Variants in TMEM272 observed in about 807,000 individuals in gnomAD.
TMEM272 encodes the protein transmembrane protein 272.
A neutral mutation model predicts 3.7 loss-of-function variants in TMEM272; 8 were observed. The observed-to-expected ratio is 2.17, with a 90% CI of 1.27 to 3.91. TMEM272 has a LOEUF of 3.91. TMEM272 is among the 30% of genes most tolerant of loss of function. The pLI is 0.00. For missense variants in TMEM272, 166 were observed against 91.5 expected (o/e 1.81, Z -3.32); for synonymous variants, 63 against 39.8 (o/e 1.58, Z -2.20).
At chr13:51,886,174 G>C in the TMEM272 span, among the ~76,000 whole-genome samples, 1 of 152,128 alleles carries the variant, frequency 6.6e-6, no homozygotes, top group South Asian at 2.1e-4. Context: ...AGAGAGAAGA[G>C]ACTAAGATTA....
At chr13:51,894,906 C>G in the TMEM272 span, among the ~76,000 whole-genome samples, 6 of 151,928 alleles carry the variant, frequency 3.9e-5, no homozygotes, top group African/African-American at 1.2e-4. Context: ...ACTAGATGGT[C>G]CCATCTGGGG....
chr13:51,914,960 A>G, the TMEM272 span, among the ~76,000 whole-genome samples: 1 of 152,222 alleles, frequency 6.6e-6, no homozygotes, highest in Non-Finnish European at 1.5e-5. Context: ...ATCTTATACA[A>G]TCTGGAGTAT....
At chr13:51,870,217 T>C in the TMEM272 span, among the ~76,000 whole-genome samples, 10 of 152,138 alleles carry the variant, frequency 6.6e-5, no homozygotes, top group Admixed American at 2.6e-4. Flanking sequence ...GCTGTTGTGG[T>C]TGGATAATAT....
chr13:51,852,395 G>A, the TMEM272 span, among the ~76,000 whole-genome samples: 2 of 152,178 alleles, frequency 1.3e-5, no homozygotes, highest in East Asian at 3.9e-4. Flanking sequence ...TGTGGATATA[G>A]CAGTGAACAT....
the TMEM272 span, among the ~76,000 whole-genome samples, chr13:51,857,211 A>C: frequency 6.6e-6 from 1 of 152,186 alleles, no homozygotes; most frequent in Non-Finnish European, 1.5e-5. Flanking sequence ...ACACTAAGCA[A>C]ACCATTCTAC....
chr13:51,928,995 G>A, the TMEM272 span, among the ~76,000 whole-genome samples: 9 of 152,304 alleles, frequency 5.9e-5, no homozygotes, highest in African/African-American at 9.6e-5. Flanking sequence ...TCAGGAGATC[G>A]AGACCATCCT....
intron 2 of TMEM272, among the ~76,000 whole-genome samples, chr13:51,828,705 T>C (rs1956147924): frequency 1.3e-5 from 2 of 152,180 alleles, no homozygotes; most frequent in African/African-American, 4.8e-5. Flanking sequence ...GTAAGTGAAG[T>C]TGGACAGGAC....
the TMEM272 span, among the ~76,000 whole-genome samples, chr13:51,890,629 AGCAGAATCAAGT>A: frequency 6.6e-6 from 1 of 152,188 alleles, no homozygotes; most frequent in Non-Finnish European, 1.5e-5. Context: ...TAAGACACCC[AGCAGAATCAAGT>A]GCACACAAAC....
chr13:51,841,091 C>T (rs748571812), intron 1 of TMEM272, among the ~76,000 whole-genome samples: 1 of 152,208 alleles, frequency 6.6e-6, no homozygotes, highest in South Asian at 2.1e-4. Flanking sequence ...CACTTAAAAC[C>T]CTGCCTGGAA....
the TMEM272 span, among the ~76,000 whole-genome samples, chr13:51,916,793 C>T: frequency 6.6e-6 from 1 of 151,706 alleles, no homozygotes; most frequent in Admixed American, 6.6e-5. Flanking sequence ...CCTATTTAAA[C>T]ACACTCTTTC....
At chr13:51,933,974 T>C in the TMEM272 span, 1 of 152,416 alleles carries the variant, frequency 6.6e-6, no homozygotes, top group Admixed American at 6.5e-5. Context: ...AACAACACTC[T>C]ATTGAGAAGC....
At chr13:51,889,332 A>G in the TMEM272 span, among the ~76,000 whole-genome samples, 2 of 152,154 alleles carry the variant, frequency 1.3e-5, no homozygotes, top group East Asian at 1.9e-4. Context: ...TAAAGTGACT[A>G]TATTTGGAGA....
chr13:51,892,248 A>G, the TMEM272 span, among the ~76,000 whole-genome samples: 52 of 152,318 alleles, frequency 3.4e-4, no homozygotes, highest in Non-Finnish European at 2.9e-5. Flanking sequence ...TTTTCCTGTC[A>G]ACCATCAATA....
the TMEM272 span, chr13:51,909,711 T>C: frequency 1.3e-6 from 2 of 1,549,980 alleles, no homozygotes; most frequent in South Asian, 1.1e-5. Context: ...ATTATCTAAG[T>C]AAGCACCATC....
chr13:51,818,388 T>C (rs1956052401), intron 4 of TMEM272, among the ~76,000 whole-genome samples: 2 of 152,082 alleles, frequency 1.3e-5, no homozygotes, highest in South Asian at 4.1e-4. Flanking sequence ...ATTTAAAATT[T>C]TGGATGGAAA....
intron 1 of TMEM272, 25 bp downstream of exon 1, chr13:51,844,991 G>A (rs1956292302): frequency 6.6e-6 from 1 of 152,222 alleles, no homozygotes; most frequent in Non-Finnish European, 1.5e-5. Flanking sequence ...CAACTTCACA[G>A]GCTGCCCAGG....
At chr13:51,929,025 C>T in the TMEM272 span, among the ~76,000 whole-genome samples, 24 of 152,066 alleles carry the variant, frequency 1.6e-4, no homozygotes, top group Admixed American at 1.2e-3. Context: ...GGTTAAACCC[C>T]GTCTCTATTA....
At chr13:51,921,090 G>A in the TMEM272 span, among the ~76,000 whole-genome samples, 1 of 152,252 alleles carries the variant, frequency 6.6e-6, no homozygotes, top group Non-Finnish European at 1.5e-5. Flanking sequence ...CAGCCATTGA[G>A]TGCTGACCCT....
chr13:51,901,102 T>C, the TMEM272 span, among the ~76,000 whole-genome samples: 2 of 152,204 alleles, frequency 1.3e-5, no homozygotes, highest in Non-Finnish European at 2.9e-5. Context: ...AGGGGTGACA[T>C]CTATGACGTG....
Sources: allele counts gnomAD v4.1 joint callset (sites outside exome capture counted in the v4.1 genomes callset), GRCh38; gene constraint gnomAD v4.1.1; transcripts MANE v1.5; gene names NCBI Gene and HGNC (gene_info 2026-07-23, HGNC 2026-07-21).